The following LINGO2 variants were observed in gnomAD, a reference collection of about 807,000 sequenced individuals.
LINGO2 encodes leucine rich repeat and Ig domain containing 2.
A neutral mutation model predicts 30.6 loss-of-function variants in LINGO2; 14 were observed. That is an observed-to-expected ratio of 0.46 (90% CI 0.30 to 0.72). The LOEUF (loss-of-function observed/expected upper bound fraction) is 0.72. Ranked by LOEUF, LINGO2 falls within the 30% of genes least tolerant of loss-of-function variation. The pLI is 0.07. For synonymous variants in LINGO2, 317 were observed against 288.5 expected, an observed-to-expected ratio of 1.10 and a Z score of -1.00; for missense variants, 729 against 751.7, an observed-to-expected ratio of 0.97 and a Z score of 0.35.
At chr9:29,060,878 C>G in the LINGO2 span, among the ~76,000 whole-genome samples, 1 of 151,810 alleles carries the variant, frequency 6.6e-6, no homozygotes, top group Non-Finnish European at 1.5e-5. Context: ...AAAAAATTTT[C>G]TTCAGAAACC....
intron 4 of LINGO2, among the ~76,000 whole-genome samples, chr9:28,136,182 G>A (rs149203587): frequency 5.3e-4 from 81 of 152,274 alleles, no homozygotes; most frequent in African/African-American, 1.9e-3. Flanking sequence ...ATTAATTATA[G>A]AATTTTTACA....
chr9:28,053,388 TAAA>T (rs76525071), intron 4 of LINGO2, among the ~76,000 whole-genome samples: 5,641 of 152,018 alleles, frequency 0.037, 145 homozygotes, highest in East Asian at 0.075. Flanking sequence ...AGCAAGATCA[TAAA>T]AAAACTGCAG....
chr9:29,187,194 G>C, the LINGO2 span, among the ~76,000 whole-genome samples: 1 of 152,076 alleles, frequency 6.6e-6, no homozygotes, highest in African/African-American at 2.4e-5. Context: ...CACTTTCATA[G>C]ATAATTACAT....
rs776412646 is a variant in LINGO2, at chr9:27,991,961, T to TGG, written c.-36+20393_-36+20394insCC. ...CTCAATTTCCACAAGACTCTAGTTG[T>TGG]CACCAATATCGTACACTCATTTTCA... On this transcript the variant is annotated intron_variant, in intron 5 of 5. Transcript: ENST00000379992. Among the ~76,000 whole-genome samples, 1,296 of 152,226 alleles carry TGG rather than the reference T, an allele frequency of 8.5e-3. 95 individuals are homozygous for TGG. The East Asian group carries it at 0.17, about 20-fold the overall frequency.
intron 1 of LINGO2, among the ~76,000 whole-genome samples, chr9:28,576,252 G>C (rs966535490): frequency 6.6e-6 from 1 of 152,160 alleles, no homozygotes; most frequent in Non-Finnish European, 1.5e-5. Flanking sequence ...ATGCCGCACA[G>C]CATCACAAAA....
intron 4 of LINGO2, among the ~76,000 whole-genome samples, chr9:28,070,952 T>A (rs1352213518): frequency 1.3e-5 from 2 of 152,164 alleles, no homozygotes; most frequent in Non-Finnish European, 2.9e-5. Context: ...TGGTCTCAAG[T>A]GATTCTCATG....
At chr9:28,016,146 C>T (rs1467909514) in intron 4 of LINGO2, among the ~76,000 whole-genome samples, 1 of 152,002 alleles carries the variant, frequency 6.6e-6, no homozygotes, top group African/African-American at 2.4e-5. Context: ...CTTTTCCCTC[C>T]TCATTCCAGC....
the LINGO2 span, among the ~76,000 whole-genome samples, chr9:28,921,238 A>G: frequency 6.6e-6 from 1 of 152,182 alleles, no homozygotes; most frequent in African/African-American, 2.4e-5. Flanking sequence ...AAAAATAATA[A>G]GGCACTGACT....
At chr9:28,355,190 G>A (rs1226316313) in intron 3 of LINGO2, among the ~76,000 whole-genome samples, 1 of 150,282 alleles carries the variant, frequency 6.7e-6, no homozygotes, top group Non-Finnish European at 1.5e-5. Flanking sequence ...TTTCTTCATT[G>A]CCCCAGGTTG....
intron 3 of LINGO2, among the ~76,000 whole-genome samples, chr9:28,344,690 C>T (rs1819498024): frequency 6.6e-6 from 1 of 151,738 alleles, no homozygotes; most frequent in Non-Finnish European, 1.5e-5. Flanking sequence ...AAATAAGCGG[C>T]ACTAGTAAAA....
At chr9:28,480,691 T>G (rs1825925122) in intron 1 of LINGO2, among the ~76,000 whole-genome samples, 1 of 152,146 alleles carries the variant, frequency 6.6e-6, no homozygotes. Flanking sequence ...TCAGTCTCTT[T>G]CTTGTGCAGT....
the LINGO2 span, among the ~76,000 whole-genome samples, chr9:29,188,812 G>A: frequency 2.1e-5 from 3 of 140,444 alleles, no homozygotes; most frequent in African/African-American, 5.5e-5. Flanking sequence ...CGGACAGGGC[G>A]GCTGGCCAGG....
At chr9:28,303,011 C>T (rs1824207225) in intron 3 of LINGO2, among the ~76,000 whole-genome samples, 2 of 152,260 alleles carry the variant, frequency 1.3e-5, no homozygotes, top group African/African-American at 4.8e-5. Context: ...AATAAATGCT[C>T]TGTATGTCAT....
At chr9:28,799,045 G>A in the LINGO2 span, among the ~76,000 whole-genome samples, 2 of 152,056 alleles carry the variant, frequency 1.3e-5, no homozygotes, top group African/African-American at 4.8e-5. Flanking sequence ...AAAGTTTGTG[G>A]TATGATCATG....
At chr9:28,775,840 G>A in the LINGO2 span, among the ~76,000 whole-genome samples, 1 of 152,112 alleles carries the variant, frequency 6.6e-6, no homozygotes, top group East Asian at 1.9e-4. Context: ...CTCTTTGTTT[G>A]GAAAACCTAG....
At chr9:29,092,373 T>C in the LINGO2 span, among the ~76,000 whole-genome samples, 1 of 151,944 alleles carries the variant, frequency 6.6e-6, no homozygotes, top group Non-Finnish European at 1.5e-5. Context: ...AAGGATATTC[T>C]ACACACCAAA....
upstream of LINGO2, among the ~76,000 whole-genome samples, chr9:28,672,951 G>A (rs1298714334): frequency 6.6e-6 from 1 of 152,120 alleles, no homozygotes; most frequent in East Asian, 1.9e-4. Flanking sequence ...GTGAAGTAAA[G>A]AGTATGAATG....
intron 1 of LINGO2, among the ~76,000 whole-genome samples, chr9:28,515,467 A>G (rs1270900458): frequency 2.0e-5 from 3 of 152,156 alleles, no homozygotes; most frequent in Non-Finnish European, 4.4e-5. Context: ...CGGCCTCCCA[A>G]AGTGCCGGGA....
intron 5 of LINGO2, among the ~76,000 whole-genome samples, chr9:27,951,402 G>T (rs1346838340): frequency 1.3e-5 from 2 of 152,184 alleles, no homozygotes; most frequent in African/African-American, 4.8e-5. Flanking sequence ...TCATAGGAAT[G>T]AGGCAGAATC....
Sources: allele counts gnomAD v4.1 joint callset (sites outside exome capture counted in the v4.1 genomes callset), GRCh38; gene constraint gnomAD v4.1.1; transcripts MANE v1.5; gene names NCBI Gene and HGNC (gene_info 2026-07-23, HGNC 2026-07-21).